Variants in TRIM44 observed in about 807,000 individuals in gnomAD.
TRIM44 encodes tripartite motif-containing protein 44.
Under a neutral mutation model 37.4 loss-of-function variants are expected in TRIM44, and 13 were observed. That is an observed-to-expected ratio of 0.35 (90% CI 0.23 to 0.55). The LOEUF (loss-of-function observed/expected upper bound fraction) is 0.55, where lower values mean the gene tolerates loss of function less well. TRIM44 is among the 20% of genes least tolerant of loss of function. The pLI is 0.89. For synonymous variants in TRIM44, 175 were observed against 157.2 expected (o/e 1.11, Z -0.85); for missense variants, 426 against 437.2 (o/e 0.97, Z 0.23).
intron 2 of TRIM44, among the ~76,000 whole-genome samples, chr11:35,703,103 A>G (rs1277624757): frequency 2.0e-5 from 3 of 152,196 alleles, no homozygotes; most frequent in Admixed American, 2.0e-4. Context: ...CCAGGAGATT[A>G]TATCCCGCAC....
In TRIM44 at chr11:35,741,048, C is replaced by A. The variant is rs560942091; in HGVS notation, c.1007+5603C>A. Among the ~76,000 whole-genome samples, 43 of 151,906 alleles carry A rather than the reference C, an allele frequency of 2.8e-4. 2 individuals carry two copies. The South Asian group carries it at 5.4e-3, about 19-fold the overall frequency. ...AGTGATACGCTTAGGTTTCTTTTGT[C>A]TTCTGATTGCAAATTTGTGGTTTGG... On this transcript the variant is annotated intron_variant, in intron 4 of 4. Transcript: ENST00000299413.
intron 4 of TRIM44, among the ~76,000 whole-genome samples, chr11:35,783,316 C>G (rs961257469): frequency 6.6e-6 from 1 of 152,170 alleles, no homozygotes; most frequent in African/African-American, 2.4e-5. Context: ...TCAAAATGTT[C>G]TCCCTGTAGA....
chr11:35,754,265 A>G (rs2985152), intron 4 of TRIM44, among the ~76,000 whole-genome samples: 108,389 of 151,944 alleles, frequency 0.71, 39,044 homozygotes, highest in African/African-American at 0.81. Context: ...AAATCCTCAC[A>G]TGAGTAAACA....
chr11:35,728,659 G>A (rs1280137412), intron 3 of TRIM44, among the ~76,000 whole-genome samples: 1 of 152,060 alleles, frequency 6.6e-6, no homozygotes, highest in Non-Finnish European at 1.5e-5. Context: ...GAGGAATTAT[G>A]TTCTTTTTGT....
intron 4 of TRIM44, among the ~76,000 whole-genome samples, chr11:35,783,660 G>A (rs1590598374): frequency 6.6e-6 from 1 of 152,166 alleles, no homozygotes; most frequent in African/African-American, 2.4e-5. Flanking sequence ...CCTTGTGTGT[G>A]TGCATATGTT....
intron 4 of TRIM44, among the ~76,000 whole-genome samples, chr11:35,784,606 G>C (rs1282668462): frequency 6.6e-6 from 1 of 152,198 alleles, no homozygotes; most frequent in Non-Finnish European, 1.5e-5. Flanking sequence ...GTGTATTTAT[G>C]TATGTATATA....
Position 35,681,952 on chromosome 11 carries a change from CTTTTTT to C in TRIM44, c.670-3288_670-3283del, listed in dbSNP as rs35760830. Among the ~76,000 whole-genome samples the C allele has an allele frequency of 3.9e-5, 4 of 101,370 alleles. No homozygotes were observed. In the South Asian group the frequency reaches 1.0e-3, roughly 26 times the overall value. The allele number at this position is 101,370 out of a possible 152,430, so 66.5% of individuals were successfully genotyped here. A position where few individuals can be genotyped will look rare whatever the true frequency, so the allele number is the denominator to read the frequency against. On this transcript the variant is annotated intron_variant, in intron 1 of 4. Coordinates refer to ENST00000299413, the MANE Select transcript of TRIM44 (RefSeq NM_017583.6). Reference sequence around the variant, plus strand: ...CCATGCCCCTGACCTATGTCCCATACTTTTTTTTTTTTTTTTTTTTTTTTGAAATGC... The same window carrying C: ...CCATGCCCCTGACCTATGTCCCATACTTTTTTTTTTTTTTTTTTGAAATGC...
intron 4 of TRIM44, among the ~76,000 whole-genome samples, chr11:35,739,531 A>G (rs1308557272): frequency 6.6e-6 from 1 of 152,188 alleles, no homozygotes; most frequent in Non-Finnish European, 1.5e-5. Context: ...TTGACATTGA[A>G]TTGCTGTGGC....
rs552964855 is a variant in TRIM44 at position 35,779,287 on chromosome 11, C to G, written c.1008-27071C>G. 2.6e-5 allele frequency among the ~76,000 whole-genome samples: 4 copies of G among 152,172 alleles called. No individual in the cohort carries two copies. In the South Asian group the frequency reaches 6.2e-4, roughly 24 times the overall value. ...CTCCTGGTGTGCCATTTGCTAAGAC[C>G]GTTGGAAAAGCGCAGTATTAGGGTG... On this transcript the variant is annotated intron_variant, in intron 4 of 4. Transcript: ENST00000299413.
In TRIM44 at chr11:35,663,174, C is replaced by G. The variant is rs146195111; in HGVS notation, c.63C>G (p.Cys21Trp). 2.1e-5 allele frequency: 33 copies of G among 1,572,432 alleles called. No individual in the cohort carries two copies. Among genetic ancestry groups the G allele is most frequent in the Non-Finnish European group, 2.6e-5 (30 of 1,159,372 alleles). The change falls in exon 1 of 5, where the codon TGC (cysteine) becomes TGG (tryptophan). Residue 21 changes from cysteine to tryptophan, a missense_variant. By Grantham distance (215) the Cys-to-Trp change is radical (BLOSUM62 -2). Around this residue, in one of 2 missense-constraint regions of TRIM44, gnomAD observed 331 missense variants for 303.0 expected, o/e 1.09. Coordinates refer to ENST00000299413, the MANE Select transcript of TRIM44 (RefSeq NM_017583.6). Reference sequence around the variant, plus strand: ...CTCACGACGGCACGTGTGACGAGTGCGAGCCCGACGAGGCTCCGGGGGCCG... The same window carrying G: ...CTCACGACGGCACGTGTGACGAGTGGGAGCCCGACGAGGCTCCGGGGGCCG... ...ELPHDGTCDE[C>W]EPDEAPGAEE...
intron 4 of TRIM44, among the ~76,000 whole-genome samples, chr11:35,800,946 T>A (rs948334104): frequency 2.0e-5 from 3 of 152,226 alleles, no homozygotes; most frequent in Admixed American, 1.3e-4. Context: ...ATTTTCATCA[T>A]GTTTTTCTCA....
At chr11:35,779,525 G>T (rs181793197) in intron 4 of TRIM44, among the ~76,000 whole-genome samples, 7 of 152,138 alleles carry the variant, frequency 4.6e-5, no homozygotes, top group African/African-American at 1.4e-4. Flanking sequence ...TATTGCTCAC[G>T]CTGGGAGCTG....
intron 4 of TRIM44, among the ~76,000 whole-genome samples, chr11:35,762,206 G>C (rs954380628): frequency 6.6e-6 from 1 of 152,168 alleles, no homozygotes; most frequent in Admixed American, 6.5e-5. Context: ...GACTTTTTGT[G>C]CTAACTCCTG....
chr11:35,808,960 G>A lies in TRIM44; in HGVS notation c.*2575G>A, dbSNP rs1310216901. 1 of 152,212 alleles carries A rather than the reference G, an allele frequency of 6.6e-6. No individual in the cohort carries two copies. The highest frequency in any genetic ancestry group is 6.5e-5 in the Admixed American group (1 of 15,274). The allele number at this position is 152,212 out of a possible 1,614,324, so 9.4% of individuals were successfully genotyped here. On this transcript the variant is annotated 3_prime_UTR_variant, in exon 5 of 5. Coordinates refer to ENST00000299413, the MANE Select transcript of TRIM44 (RefSeq NM_017583.6). ...GTCTTGCCTGGGTGCAGGTGGCAGG[G>A]TTTGCTGAAACCCCTAAAGAGAAGT...
At chr11:35,766,555 C>T (rs1852801229) in intron 4 of TRIM44, among the ~76,000 whole-genome samples, 1 of 152,198 alleles carries the variant, frequency 6.6e-6, no homozygotes, top group African/African-American at 2.4e-5. Context: ...ATTCAGTGTC[C>T]ATTCCAAAAC....
chr11:35,724,904 A>C (rs1408540130), intron 2 of TRIM44, among the ~76,000 whole-genome samples: 9 of 152,328 alleles, frequency 5.9e-5, no homozygotes, highest in Non-Finnish European at 1.2e-4. Context: ...AGTATATGCC[A>C]ATTTACTAAG....
Position 35,663,374 on chromosome 11 carries a change from A to C in TRIM44, c.263A>C (p.Glu88Ala). ...KEEAEVKVEQ[E>A]REIESEAGEE... ...GAAGCGGAGGTCAAGGTGGAGCAGG[A>C]GAGGGAGATAGAAAGCGAGGCAGGG... is the stretch of plus-strand genomic sequence containing the variant. The change falls in exon 1 of 5, where the codon GAG becomes GCG. Residue 88 changes from glutamate (E) to alanine (A), a missense_variant. Glu to Ala is a moderately radical substitution (Grantham distance 107). Coordinates refer to ENST00000299413, the MANE Select transcript of TRIM44 (RefSeq NM_017583.6). 13 of 1,611,576 alleles carry C rather than the reference A, an allele frequency of 8.1e-6. No homozygotes were observed. Among genetic ancestry groups the C allele is most frequent in the Non-Finnish European group, 1.1e-5 (13 of 1,178,780 alleles).
intron 1 of TRIM44, 81 bp downstream of exon 1, chr11:35,663,861 T>A: frequency 2.7e-6 from 4 of 1,482,330 alleles, no homozygotes. Flanking sequence ...TGTGACCACA[T>A]TCGCTTTCAC....
intron 4 of TRIM44, among the ~76,000 whole-genome samples, chr11:35,806,156 T>C (rs937272178): frequency 6.6e-6 from 1 of 152,186 alleles, no homozygotes; most frequent in South Asian, 2.1e-4. Context: ...GTAAGTTTTA[T>C]CATCATTCCC....
Sources: allele counts gnomAD v4.1 joint callset (sites outside exome capture counted in the v4.1 genomes callset), GRCh38; gene constraint gnomAD v4.1.1; regional missense constraint gnomAD v4.1.1; transcripts MANE v1.5; gene names NCBI Gene and HGNC (gene_info 2026-07-23, HGNC 2026-07-21).